ADAMTSL3: variants seen among roughly 807,000 people sequenced by gnomAD.
ADAMTSL3 encodes ADAMTS like 3, also known as ADAMTS-like protein 3.
A neutral mutation model predicts 201.7 loss-of-function variants in ADAMTSL3; 128 were observed. The ratio of observed to expected loss-of-function variants is 0.63; its 90% CI spans 0.55 to 0.73. ADAMTSL3 has a LOEUF of 0.73. ADAMTSL3 is among the 30% of genes least tolerant of loss of function. The pLI is 0.00. For synonymous variants in ADAMTSL3, 738 were observed against 748.4 expected, an observed-to-expected ratio of 0.99 and a Z score of 0.23; for missense variants, 1,990 against 2,119.6, an observed-to-expected ratio of 0.94 and a Z score of 1.20.
intron 5 of ADAMTSL3, among the ~76,000 whole-genome samples, chr15:83,819,280 A>C (rs1284018443): frequency 1.3e-5 from 2 of 151,666 alleles, no homozygotes; most frequent in African/African-American, 4.8e-5. Context: ...AAAAAAAAAA[A>C]AACAATGACA....
At chr15:83,891,176 C>T (rs1403446041) in intron 11 of ADAMTSL3, 153 bp from the exon 12 acceptor site, 7 of 570,944 alleles carry the variant, frequency 1.2e-5, no homozygotes, top group Non-Finnish European at 1.8e-5. Context: ...GAGATGGTGG[C>T]TGAATTTTTG....
intron 3 of ADAMTSL3, among the ~76,000 whole-genome samples, chr15:83,727,235 T>C (rs1474940810): frequency 2.6e-5 from 4 of 152,094 alleles, no homozygotes; most frequent in African/African-American, 9.6e-5. Context: ...TGGTGTCTCT[T>C]ATAATGTCTC....
intron 4 of ADAMTSL3, among the ~76,000 whole-genome samples, chr15:83,779,099 C>T (rs927232832): frequency 6.6e-6 from 1 of 152,126 alleles, no homozygotes; most frequent in Non-Finnish European, 1.5e-5. Context: ...CACAGCAGCA[C>T]CCAAATTCAT....
intron 3 of ADAMTSL3, among the ~76,000 whole-genome samples, chr15:83,756,375 T>G (rs2062719445): frequency 6.6e-6 from 1 of 152,184 alleles, no homozygotes; most frequent in African/African-American, 2.4e-5. Context: ...AAGGGACATC[T>G]TAATATGGTG....
intron 19 of ADAMTSL3, among the ~76,000 whole-genome samples, chr15:83,947,330 T>A (rs1473039353): frequency 6.6e-6 from 1 of 152,268 alleles, no homozygotes; most frequent in African/African-American, 2.4e-5. Context: ...GCAGCCAGAA[T>A]CTTCCTCTTC....
intron 3 of ADAMTSL3, among the ~76,000 whole-genome samples, chr15:83,723,002 C>T (rs1377026125): frequency 2.6e-5 from 4 of 151,868 alleles, no homozygotes; most frequent in African/African-American, 9.7e-5. Context: ...TACATAGAAG[C>T]CTTAAAATGA....
intron 6 of ADAMTSL3, among the ~76,000 whole-genome samples, chr15:83,828,694 A>G (rs1171970547): frequency 6.6e-6 from 1 of 152,198 alleles, no homozygotes; most frequent in Non-Finnish European, 1.5e-5. Flanking sequence ...ATTTTGAAAT[A>G]CATCCCATCA....
chr15:83,909,939 C>T (rs866911669), intron 15 of ADAMTSL3, among the ~76,000 whole-genome samples: 2 of 152,080 alleles, frequency 1.3e-5, no homozygotes, highest in South Asian at 4.1e-4. Flanking sequence ...GATGTATGTA[C>T]CCCTCAAACC....
At position 83,982,896 on chromosome 15, in the gene ADAMTSL3, A is replaced by G; in HGVS notation, c.3268A>G (p.Ser1090Gly). 1.2e-6 allele frequency: 2 copies of G among 1,614,132 alleles called. No individual in the cohort carries two copies. The highest frequency in any genetic ancestry group is 1.7e-6 in the Non-Finnish European group (2 of 1,180,048). Residue 1090 changes from serine to glycine, a missense_variant, in exon 21 of 30, where the codon AGC becomes GGC. Transcript: ENST00000286744. ...FEAAVKQGAY[S>G]MDTAQFDELI... ...AGCAGCAGTTAAACAAGGAGCATATAGCATGGATACAGCCCAGTTTGATGA... is the reference window on the plus strand; with the variant it reads ...AGCAGCAGTTAAACAAGGAGCATATGGCATGGATACAGCCCAGTTTGATGA...
At chr15:83,822,086 A>G (rs1351994589) in intron 6 of ADAMTSL3, among the ~76,000 whole-genome samples, 313 of 86,980 alleles carry the variant, frequency 3.6e-3, no homozygotes, top group African/African-American at 8.0e-3. Flanking sequence ...GGGCAGAGGC[A>G]CCCCTCACCT....
chr15:83,706,920 C>T (rs559112189), intron 3 of ADAMTSL3, among the ~76,000 whole-genome samples: 36 of 152,130 alleles, frequency 2.4e-4, no homozygotes, highest in Non-Finnish European at 4.7e-4. Context: ...CTGCTCTCCT[C>T]GGCCTCCCAA....
At chr15:83,837,769 T>C (rs1333609180) in intron 6 of ADAMTSL3, among the ~76,000 whole-genome samples, 1 of 145,940 alleles carries the variant, frequency 6.9e-6, no homozygotes, top group Non-Finnish European at 1.5e-5. Context: ...ACTATTGCAC[T>C]CCAACCTGGG....
chr15:83,713,985 G>A (rs1381709021), intron 3 of ADAMTSL3, among the ~76,000 whole-genome samples: 1 of 152,154 alleles, frequency 6.6e-6, no homozygotes, highest in African/African-American at 2.4e-5. Context: ...GCTGAGACGT[G>A]TTGAGGGCTC....
chr15:83,899,953 T>G (rs906186008), intron 15 of ADAMTSL3, among the ~76,000 whole-genome samples: 1 of 152,220 alleles, frequency 6.6e-6, no homozygotes, highest in Admixed American at 6.5e-5. Flanking sequence ...ACAGTGTTAC[T>G]TAACTCAAAG....
At chr15:83,707,632 C>G (rs1486905037) in intron 3 of ADAMTSL3, among the ~76,000 whole-genome samples, 4 of 152,192 alleles carry the variant, frequency 2.6e-5, no homozygotes, top group African/African-American at 9.6e-5. Context: ...AACCACCATT[C>G]AGACTTTTAT....
At chr15:83,861,970 T>C (rs1409037571) in intron 8 of ADAMTSL3, 2 of 152,132 alleles carry the variant, frequency 1.3e-5, no homozygotes, top group African/African-American at 4.8e-5. Context: ...ACGTGACGAA[T>C]GCACAAGCCT....
intron 3 of ADAMTSL3, among the ~76,000 whole-genome samples, chr15:83,733,969 C>T (rs2062328082): frequency 6.6e-6 from 1 of 152,138 alleles, no homozygotes; most frequent in Admixed American, 6.6e-5. Context: ...ATAGACAATG[C>T]AGGCGGACAT....
At chr15:83,779,708 A>AG (rs1348304040) in intron 4 of ADAMTSL3, among the ~76,000 whole-genome samples, 1 of 151,290 alleles carries the variant, frequency 6.6e-6, no homozygotes, top group Non-Finnish European at 1.5e-5. Flanking sequence ...AAAAAAAAAA[A>AG]AAAAAAAAAA....
At position 83,773,616 on chromosome 15, in the gene ADAMTSL3, G is replaced by T; in HGVS notation, c.283G>T (p.Ala95Ser). ...SDCSRTCGGGASYSLRRCLTG... is the reference protein window; with the variant it reads ...SDCSRTCGGGSSYSLRRCLTG... ...CTGCTCCCGGACCTGTGGGGGAGGA[G>T]CATCATATTCTCTGCGGAGATGTTT... Residue 95 changes from alanine (A) to serine (S), a missense_variant, in exon 4 of 30, where the codon GCA becomes TCA. By Grantham distance (99) the Ala-to-Ser change is moderately conservative. Coordinates refer to ENST00000286744, the MANE Select transcript of ADAMTSL3 (RefSeq NM_207517.3). The T allele has an allele frequency of 6.2e-7, 1 of 1,612,356 alleles. No homozygotes were observed. Among genetic ancestry groups the T allele is most frequent in the Non-Finnish European group, 8.5e-7 (1 of 1,179,562 alleles).
Sources: allele counts gnomAD v4.1 joint callset (sites outside exome capture counted in the v4.1 genomes callset), GRCh38; gene constraint gnomAD v4.1.1; transcripts MANE v1.5; gene names NCBI Gene and HGNC (gene_info 2026-07-23, HGNC 2026-07-21).